The following RABGAP1L variants were observed in gnomAD, a reference collection of about 807,000 sequenced individuals.
RABGAP1L encodes the protein RAB GTPase activating protein 1 like.
A neutral mutation model predicts 137.7 loss-of-function variants in RABGAP1L; 63 were observed. The ratio of observed to expected loss-of-function variants is 0.46; its 90% CI spans 0.37 to 0.56. The LOEUF is 0.56. Ranked by LOEUF, RABGAP1L falls within the 20% of genes least tolerant of loss-of-function variation. The pLI, the probability that RABGAP1L is intolerant of heterozygous loss-of-function variation, is 0.00. For synonymous variants in RABGAP1L, 431 were observed against 433.7 expected, an observed-to-expected ratio of 0.99 and a Z score of 0.08; for missense variants, 1,095 against 1,244.0, an observed-to-expected ratio of 0.88 and a Z score of 1.80.
At chr1:174,799,675 C>T (rs770173413) in intron 18 of RABGAP1L, among the ~76,000 whole-genome samples, 22 of 152,090 alleles carry the variant, frequency 1.4e-4, no homozygotes, top group Non-Finnish European at 2.5e-4. Context: ...TCCCCTGAGA[C>T]ACACTCTGCA....
At chr1:174,895,922 T>C (rs1436856599) in intron 19 of RABGAP1L, among the ~76,000 whole-genome samples, 2 of 152,340 alleles carry the variant, frequency 1.3e-5, no homozygotes, top group East Asian at 1.9e-4. Context: ...TGTGTCTTGA[T>C]AGCAGCATAA....
intron 11 of RABGAP1L, among the ~76,000 whole-genome samples, chr1:174,312,649 T>C (rs1212948586): frequency 2.0e-5 from 3 of 152,214 alleles, no homozygotes; most frequent in Non-Finnish European, 4.4e-5. Flanking sequence ...CCTGTGTTTG[T>C]AGGGTATTAC....
Position 174,601,987 on chromosome 1 carries a change from C to T in RABGAP1L, c.1711-35388C>T, listed in dbSNP as rs1350197140. On this transcript the variant is annotated intron_variant, in intron 13 of 25. Transcript: ENST00000681986. Reference sequence around the variant, plus strand: ...CCTGGACCTTATTGTCCATATCACTCTCAGGCTTTTGGTCAAAGCTATTCA... The same window carrying T: ...CCTGGACCTTATTGTCCATATCACTTTCAGGCTTTTGGTCAAAGCTATTCA... Among the ~76,000 whole-genome samples, 2 of 152,128 alleles carry T rather than the reference C, an allele frequency of 1.3e-5. 1 individual carries two copies. The highest frequency in any genetic ancestry group is 2.9e-5 in the Non-Finnish European group (2 of 68,010).
intron 19 of RABGAP1L, among the ~76,000 whole-genome samples, chr1:174,942,770 G>T (rs532456715): frequency 6.6e-6 from 1 of 152,306 alleles, no homozygotes; most frequent in Non-Finnish European, 1.5e-5. Context: ...GCTAATTTCA[G>T]TCAGTGTGCA....
Position 174,859,953 on chromosome 1 carries a change from C to CTT in RABGAP1L, c.2340+48015_2340+48016dup, listed in dbSNP as rs746676430. Among the ~76,000 whole-genome samples the CTT allele has an allele frequency of 9.7e-4, 92 of 95,068 alleles. 2 individuals are homozygous for CTT. The highest frequency in any genetic ancestry group is 2.5e-3 in the African/African-American group (56 of 22,466). The allele number at this position is 95,068 out of a possible 152,430, so 62.4% of individuals were successfully genotyped here. A position where few individuals can be genotyped will look rare whatever the true frequency, so the allele number is the denominator to read the frequency against. Reference sequence around the variant, plus strand: ...ACTTGACCAATCATTTAGTCCAATGCTTTTTTTTTTTTTTTTTTTTTTTCC... The same window carrying CTT: ...ACTTGACCAATCATTTAGTCCAATGCTTTTTTTTTTTTTTTTTTTTTTTTTCC... On this transcript the variant is annotated intron_variant, in intron 19 of 25. Coordinates refer to ENST00000681986, the MANE Select transcript of RABGAP1L (RefSeq NM_001366446.1).
At chr1:174,919,832 G>C (rs1452443401) in intron 19 of RABGAP1L, among the ~76,000 whole-genome samples, 1 of 152,170 alleles carries the variant, frequency 6.6e-6, no homozygotes, top group African/African-American at 2.4e-5. Context: ...CTCCAGCCTG[G>C]ACAACATAGA....
chr1:174,356,723 C>G (rs1456129570), intron 11 of RABGAP1L, among the ~76,000 whole-genome samples: 1 of 151,932 alleles, frequency 6.6e-6, no homozygotes, highest in Non-Finnish European at 1.5e-5. Flanking sequence ...AGCTACTGAT[C>G]TCTGCATGTT....
intron 4 of RABGAP1L, among the ~76,000 whole-genome samples, chr1:174,231,643 G>A (rs1670663541): frequency 6.6e-6 from 1 of 152,166 alleles, no homozygotes; most frequent in African/African-American, 2.4e-5. Flanking sequence ...CATGATGCTG[G>A]CCATCTGCTC....
intron 19 of RABGAP1L, among the ~76,000 whole-genome samples, chr1:174,911,795 G>A (rs1660093783): frequency 6.6e-6 from 1 of 152,142 alleles, no homozygotes; most frequent in Admixed American, 6.6e-5. Flanking sequence ...AGATGACTGT[G>A]GAAACAGTGA....
intron 1 of RABGAP1L, among the ~76,000 whole-genome samples, chr1:174,202,266 A>G (rs911873481): frequency 8.5e-5 from 13 of 152,136 alleles, no homozygotes; most frequent in Non-Finnish European, 1.5e-4. Context: ...CAGTCCCACC[A>G]ACAGTGTAAA....
intron 13 of RABGAP1L, among the ~76,000 whole-genome samples, chr1:174,580,273 A>T (rs1022308821): frequency 6.6e-6 from 1 of 152,218 alleles, no homozygotes; most frequent in Non-Finnish European, 1.5e-5. Flanking sequence ...CAGCAATCCC[A>T]TTACTGGGTA....
intron 1 of RABGAP1L, among the ~76,000 whole-genome samples, chr1:174,199,109 G>A (rs976873112): frequency 6.6e-6 from 1 of 151,796 alleles, no homozygotes; most frequent in African/African-American, 2.4e-5. Context: ...ACTCCATCTC[G>A]ACAAAAGAAA....
At chr1:174,852,677 G>A (rs950074426) in intron 19 of RABGAP1L, among the ~76,000 whole-genome samples, 1 of 152,058 alleles carries the variant, frequency 6.6e-6, no homozygotes, top group Non-Finnish European at 1.5e-5. Flanking sequence ...TTAGCTGGGC[G>A]TGTTGGCATG....
intron 18 of RABGAP1L, among the ~76,000 whole-genome samples, chr1:174,758,822 T>C (rs971442478): frequency 2.0e-5 from 3 of 152,154 alleles, no homozygotes; most frequent in Non-Finnish European, 2.9e-5. Flanking sequence ...TGAAATAATG[T>C]GCCCTCCCAA....
intron 12 of RABGAP1L, among the ~76,000 whole-genome samples, chr1:174,371,611 CT>C (rs1685117805): frequency 1.3e-5 from 2 of 151,820 alleles, no homozygotes; most frequent in South Asian, 4.2e-4. Flanking sequence ...ATATTAAGTA[CT>C]TTTTATATTT....
At chr1:174,873,563 G>C (rs1273867587) in intron 19 of RABGAP1L, among the ~76,000 whole-genome samples, 1 of 149,774 alleles carries the variant, frequency 6.7e-6, no homozygotes, top group East Asian at 2.0e-4. Context: ...GCCCAGGCTG[G>C]AGTGCAGTGG....
intron 13 of RABGAP1L, among the ~76,000 whole-genome samples, chr1:174,404,400 G>A (rs574463310): frequency 6.6e-6 from 1 of 152,214 alleles, no homozygotes; most frequent in African/African-American, 2.4e-5. Flanking sequence ...AAATCAGTAT[G>A]TTCCTTCCTT....
At chr1:174,787,440 G>C (rs1038482899) in intron 18 of RABGAP1L, among the ~76,000 whole-genome samples, 5 of 151,104 alleles carry the variant, frequency 3.3e-5, no homozygotes. Context: ...AGTGACATCT[G>C]ACTCTTGAAA....
At chr1:174,896,344 T>G (rs888403284) in intron 19 of RABGAP1L, among the ~76,000 whole-genome samples, 29 of 152,360 alleles carry the variant, frequency 1.9e-4, no homozygotes, top group Middle Eastern at 3.4e-3. Context: ...TATTAGTCCT[T>G]TGTCAGATGA....
Sources: allele counts gnomAD v4.1 joint callset (sites outside exome capture counted in the v4.1 genomes callset), GRCh38; gene constraint gnomAD v4.1.1; transcripts MANE v1.5; gene names NCBI Gene and HGNC (gene_info 2026-07-23, HGNC 2026-07-21).